CHEK2: variants seen among roughly 807,000 people sequenced by gnomAD.
The protein encoded by CHEK2 is serine/threonine-protein kinase Chk2.
Under a neutral mutation model 69.1 loss-of-function variants are expected in CHEK2, and 71 were observed. That is an observed-to-expected ratio of 1.03 (90% CI 0.85 to 1.25). The LOEUF (loss-of-function observed/expected upper bound fraction) is 1.25. Ranked by LOEUF, CHEK2 falls within the 50% of genes most tolerant of loss-of-function variation. The pLI is 0.00. For synonymous variants in CHEK2, 189 were observed against 226.9 expected (o/e 0.83, Z 1.50); for missense variants, 664 against 649.6 (o/e 1.02, Z -0.24).
chr22:28,735,140 G>A (rs1253890904), intron 1 of CHEK2, among the ~76,000 whole-genome samples: 3 of 152,076 alleles, frequency 2.0e-5, no homozygotes, highest in Non-Finnish European at 4.4e-5. Context: ...AGGCGCGGGG[G>A]TTCACTCCTG....
chr22:28,739,790 G>A (rs2054506142), intron 1 of CHEK2, among the ~76,000 whole-genome samples: 1 of 152,174 alleles, frequency 6.6e-6, no homozygotes, highest in Non-Finnish European at 1.5e-5. Context: ...GAAAGAATGT[G>A]CAGAAAGGGG....
chr22:28,721,608 G>A (rs1005201891), intron 4 of CHEK2: 7 of 462,394 alleles, frequency 1.5e-5, no homozygotes, highest in Non-Finnish European at 2.2e-5. Context: ...AATCAGCTGA[G>A]AGAGTAGATT....
intron 1 of CHEK2, among the ~76,000 whole-genome samples, chr22:28,740,924 G>A (rs1396010532): frequency 6.6e-6 from 1 of 152,086 alleles, no homozygotes; most frequent in Non-Finnish European, 1.5e-5. Flanking sequence ...GGGAGGCCAA[G>A]GCAGGTGGAT....
chr22:28,729,930 T>G (rs1318714262), intron 2 of CHEK2, among the ~76,000 whole-genome samples: 1 of 151,846 alleles, frequency 6.6e-6, no homozygotes, highest in Admixed American at 6.6e-5. Flanking sequence ...AAAGCATTTT[T>G]TTTTTCTTTT....
chr22:28,737,445 G>GT (rs1352472267), intron 1 of CHEK2: 2 of 290,990 alleles, frequency 6.9e-6, no homozygotes, highest in Non-Finnish European at 1.4e-5. Flanking sequence ...GCAAAACCAT[G>GT]TAATTTAAGA....
chr22:28,703,186 C>T (rs1339935960), intron 8 of CHEK2, among the ~76,000 whole-genome samples: 2 of 152,036 alleles, frequency 1.3e-5, no homozygotes, highest in Admixed American at 6.6e-5. Context: ...CATTATAATC[C>T]CCATTTAACA....
At chr22:28,705,013 G>A (rs2053057412) in intron 7 of CHEK2, among the ~76,000 whole-genome samples, 1 of 151,446 alleles carries the variant, frequency 6.6e-6, no homozygotes, top group Non-Finnish European at 1.5e-5. Context: ...ACTTCAAAGA[G>A]TATGATACAA....
chr22:28,740,372 C>G (rs1399635191), intron 1 of CHEK2, among the ~76,000 whole-genome samples: 1 of 152,208 alleles, frequency 6.6e-6, no homozygotes, highest in African/African-American at 2.4e-5. Flanking sequence ...TATCCGCCAT[C>G]AAAGGCTCTG....
intron 7 of CHEK2, among the ~76,000 whole-genome samples, chr22:28,709,333 A>G (rs1393677090): frequency 6.6e-6 from 1 of 152,208 alleles, no homozygotes; most frequent in African/African-American, 2.4e-5. Flanking sequence ...AAAAGTGGTA[A>G]AACTTCAGGT....
At position 28,689,162 on chromosome 22, in the gene CHEK2, G is replaced by A; in HGVS notation, c.1515C>T (p.Ser505=). ...FQDLLSEENE[S]TALPQVLAQP... ...GGGCTAGAACCTGGGGTAGAGCTGT[G>A]GATTCATTTTCCTCAGACAGAAGAT... The change falls in exon 14 of 15, where the codon TCC becomes TCT. Residue 505 remains serine, a synonymous_variant. Transcript: ENST00000404276. 1.9e-6 allele frequency: 3 copies of A among 1,595,138 alleles called. No individual in the cohort carries two copies. The highest frequency in any genetic ancestry group is 2.5e-6 in the Non-Finnish European group (3 of 1,178,706).
At chr22:28,711,250 T>C (rs1011261304) in intron 6 of CHEK2, among the ~76,000 whole-genome samples, 2 of 152,220 alleles carry the variant, frequency 1.3e-5, no homozygotes, top group Admixed American at 6.5e-5. Flanking sequence ...GCTATTTCAA[T>C]GATTTAATTA....
intron 2 of CHEK2, chr22:28,730,359 G>T: frequency 2.0e-6 from 1 of 502,490 alleles, no homozygotes. Context: ...GGGGAAAGGG[G>T]AAAGGAAAAG....
rs1555913689 is a variant in CHEK2 at position 28,695,741 on chromosome 22, A to C, written c.1228T>G (p.Cys410Gly). ...GTAGYNRAVD[C>G]WSLGVILFIC... ...AAAAGAATAACTCCTAAACTCCAGC[A>C]GTCCACAGCACGGTTATACCCAGCA... Residue 410 changes from cysteine (C) to glycine (G), a missense_variant, in exon 11 of 15, where the codon TGC (cysteine) becomes GGC (glycine). Physicochemically the swap from Cys to Gly is radical, Grantham distance 159. Transcript: ENST00000404276. 1 of 1,613,920 alleles carries C rather than the reference A, an allele frequency of 6.2e-7. No individual in the cohort carries two copies. Among genetic ancestry groups the C allele is most frequent in the Non-Finnish European group, 8.5e-7 (1 of 1,179,778 alleles).
intron 8 of CHEK2, among the ~76,000 whole-genome samples, chr22:28,701,369 G>A (rs2052839104): frequency 6.6e-6 from 1 of 151,910 alleles, no homozygotes; most frequent in South Asian, 2.1e-4. Flanking sequence ...ATGCCACCAT[G>A]CCTGGCTAAT....
chr22:28,711,251 G>T (rs1360863669), intron 6 of CHEK2, among the ~76,000 whole-genome samples: 4 of 152,132 alleles, frequency 2.6e-5, no homozygotes, highest in African/African-American at 7.2e-5. Context: ...CTATTTCAAT[G>T]ATTTAATTAA....
At chr22:28,700,039 G>T in intron 8 of CHEK2, 102 bp from the exon 9 acceptor site, 1 of 763,762 alleles carries the variant, frequency 1.3e-6, no homozygotes, top group Non-Finnish European at 2.2e-6. Flanking sequence ...CAAGCAAACA[G>T]TTGACATTTT....
At position 28,725,240 on chromosome 22, in the gene CHEK2, T is replaced by C. The variant is rs587781279; in HGVS notation, c.444+3A>G. On this transcript the variant is annotated splice_donor_region_variant and intron_variant, in intron 3 of 14. Transcript: ENST00000404276. ...CCTAGATACATGGGTATTCATTACC[T>C]ACCCTGAAAATCCGAAAGTGTTTCT... The C allele has an allele frequency of 8.1e-6, 13 of 1,614,146 alleles. No homozygotes were observed. The highest frequency in any genetic ancestry group is 1.1e-5 in the Non-Finnish European group (13 of 1,180,020).
rs769729382 is a variant in CHEK2, at chr22:28,695,127, C to T, written c.1375G>A (p.Ala459Thr). Residue 459 changes from alanine (A) to threonine (T), a missense_variant and splice_region_variant, in exon 12 of 15, where the codon GCT (alanine) becomes ACT (threonine). Physicochemically the swap from Ala to Thr is moderately conservative, Grantham distance 58. Transcript: ENST00000404276. Reference sequence around the variant, plus strand: ...ATTCTTAACCCTTTCATATTCATACCTTTCTCTGAGACTTCTGCCCAGACT... The same window carrying T: ...ATTCTTAACCCTTTCATATTCATACTTTTCTCTGAGACTTCTGCCCAGACT... ...PEVWAEVSEK[A>T]LDLVKKLLVV... The T allele has an allele frequency of 6.3e-7, 1 of 1,593,580 alleles. No individual in the cohort carries two copies. The highest frequency in any genetic ancestry group is 8.6e-7 in the Non-Finnish European group (1 of 1,161,624).
intron 13 of CHEK2, among the ~76,000 whole-genome samples, chr22:28,690,775 G>A (rs993042398): frequency 6.6e-6 from 1 of 151,012 alleles, no homozygotes; most frequent in Non-Finnish European, 1.5e-5. Flanking sequence ...GCCTAGGTGA[G>A]AGAGCAAGAC....
Sources: allele counts gnomAD v4.1 joint callset (sites outside exome capture counted in the v4.1 genomes callset), GRCh38; gene constraint gnomAD v4.1.1; transcripts MANE v1.5; gene names NCBI Gene and HGNC (gene_info 2026-07-23, HGNC 2026-07-21).